NEGR1: variants seen among roughly 807,000 people sequenced by gnomAD.
The protein encoded by NEGR1 is IgLON family member 4.
NEGR1 carries 10 observed loss-of-function variants against 40.9 expected under a neutral mutation model. The observed-to-expected ratio is 0.24, with a 90% CI of 0.15 to 0.42. The LOEUF is 0.42. Ranked by LOEUF, NEGR1 falls within the 10% of genes least tolerant of loss-of-function variation. The pLI, the probability that NEGR1 is intolerant of heterozygous loss-of-function variation, is 1.00. For missense variants in NEGR1, 352 were observed against 438.9 expected (o/e 0.80, Z 1.77); for synonymous variants, 185 against 166.8 (o/e 1.11, Z -0.84).
chr1:71,534,698 G>A (rs979977362), intron 6 of NEGR1, among the ~76,000 whole-genome samples: 5 of 151,576 alleles, frequency 3.3e-5, no homozygotes, highest in Non-Finnish European at 7.4e-5. Flanking sequence ...CATTTGCAAG[G>A]ATAGCAATTA....
At chr1:72,087,557 T>C (rs145198783) in intron 1 of NEGR1, among the ~76,000 whole-genome samples, 4 of 151,798 alleles carry the variant, frequency 2.6e-5, no homozygotes, top group African/African-American at 7.3e-5. Flanking sequence ...ACTACAGTGA[T>C]AGAAACAACA....
At chr1:71,419,844 G>A (rs928282292) in intron 6 of NEGR1, among the ~76,000 whole-genome samples, 32 of 151,784 alleles carry the variant, frequency 2.1e-4, no homozygotes, top group Non-Finnish European at 7.4e-5. Context: ...GAAGGACTTT[G>A]GGGGCAGGCA....
intron 2 of NEGR1, among the ~76,000 whole-genome samples, chr1:71,847,338 T>A (rs1659453104): frequency 6.6e-6 from 1 of 152,206 alleles, no homozygotes; most frequent in Non-Finnish European, 1.5e-5. Context: ...TTCATTGCAC[T>A]TTACAGATAA....
chr1:71,894,165 A>G (rs1308018730), intron 2 of NEGR1, among the ~76,000 whole-genome samples: 3 of 142,248 alleles, frequency 2.1e-5, no homozygotes, highest in Non-Finnish European at 3.1e-5. Context: ...TGGCACATGT[A>G]TACATATGTA....
At chr1:71,758,804 C>T (rs1557641387) in intron 3 of NEGR1, among the ~76,000 whole-genome samples, 1 of 152,208 alleles carries the variant, frequency 6.6e-6, no homozygotes, top group East Asian at 1.9e-4. Context: ...GCTATTTTCT[C>T]TTTCTTACTC....
At chr1:72,065,678 GA>G (rs1647254904) in intron 1 of NEGR1, among the ~76,000 whole-genome samples, 1 of 151,998 alleles carries the variant, frequency 6.6e-6, no homozygotes, top group Non-Finnish European at 1.5e-5. Flanking sequence ...TGTACCTTTA[GA>G]AAAAAGTTAA....
chr1:71,748,071 A>G (rs1455343701), intron 3 of NEGR1, among the ~76,000 whole-genome samples: 1 of 152,184 alleles, frequency 6.6e-6, no homozygotes, highest in Non-Finnish European at 1.5e-5. Flanking sequence ...CAGTTGAACA[A>G]GTGTAACTTT....
intron 1 of NEGR1, among the ~76,000 whole-genome samples, chr1:72,087,439 A>AAAT (rs1553138420): frequency 6.7e-6 from 1 of 149,514 alleles, no homozygotes; most frequent in African/African-American, 2.5e-5. Flanking sequence ...TCAAAAAAAA[A>AAAT]ATATATATAT....
chr1:71,785,620 A>G (rs954021022), intron 2 of NEGR1, among the ~76,000 whole-genome samples: 1 of 152,182 alleles, frequency 6.6e-6, no homozygotes, highest in African/African-American at 2.4e-5. Context: ...AAATGTGCCA[A>G]CAAATACCCT....
At chr1:72,182,776 GTGTA>G (rs1341279489) in intron 1 of NEGR1, among the ~76,000 whole-genome samples, 1 of 64,668 alleles carries the variant, frequency 1.5e-5, no homozygotes, top group Non-Finnish European at 2.8e-5. Flanking sequence ...GTGTGTGCGT[GTGTA>G]TATATATATA....
At chr1:71,955,809 G>A (rs1436483837) in intron 1 of NEGR1, among the ~76,000 whole-genome samples, 1 of 152,046 alleles carries the variant, frequency 6.6e-6, no homozygotes, top group African/African-American at 2.4e-5. Context: ...TGCTTTTCTG[G>A]CCGATAGCAC....
At chr1:71,442,737 A>G (rs1460429842) in intron 6 of NEGR1, among the ~76,000 whole-genome samples, 1 of 152,218 alleles carries the variant, frequency 6.6e-6, no homozygotes, top group African/African-American at 2.4e-5. Flanking sequence ...CTGTTGAAAA[A>G]GCTTAAGACA....
intron 1 of NEGR1, among the ~76,000 whole-genome samples, chr1:71,990,509 T>G (rs982187009): frequency 6.6e-6 from 1 of 152,176 alleles, no homozygotes; most frequent in Admixed American, 6.5e-5. Context: ...TAACTTATGA[T>G]AGTCTGGAAA....
In NEGR1 at chr1:72,240,200, A is replaced by C. The variant is rs561718511; in HGVS notation, c.176+42119T>G. On this transcript the variant is annotated intron_variant, in intron 1 of 6. Transcript: ENST00000357731. Reference sequence around the variant, plus strand: ...CCAAAGAAATCAGCAGTTTACAGATAAACAACTTGGGTTAAGAAGGGATGA... The same window carrying C: ...CCAAAGAAATCAGCAGTTTACAGATCAACAACTTGGGTTAAGAAGGGATGA... Among the ~76,000 whole-genome samples the C allele has an allele frequency of 7.9e-5, 12 of 152,034 alleles. No homozygotes were observed. The South Asian group carries it at 2.1e-3, about 26-fold the overall frequency.
chr1:71,921,928 G>C (rs972532684), intron 2 of NEGR1, among the ~76,000 whole-genome samples: 3 of 151,800 alleles, frequency 2.0e-5, no homozygotes, highest in African/African-American at 7.3e-5. Context: ...TGTTGTTCAA[G>C]CGTCAACTGT....
chr1:71,543,195 C>A (rs1038361291), intron 6 of NEGR1, among the ~76,000 whole-genome samples: 1 of 151,588 alleles, frequency 6.6e-6, no homozygotes, highest in Non-Finnish European at 1.5e-5. Context: ...TACACAATTG[C>A]AAATATGTAT....
At chr1:71,825,641 T>G (rs999469032) in intron 2 of NEGR1, among the ~76,000 whole-genome samples, 1 of 151,906 alleles carries the variant, frequency 6.6e-6, no homozygotes, top group African/African-American at 2.4e-5. Context: ...AGGTGTGGAA[T>G]CTCTCTAAAT....
chr1:71,514,439 G>T (rs1647104171), intron 6 of NEGR1, among the ~76,000 whole-genome samples: 1 of 99,770 alleles, frequency 1.0e-5, no homozygotes, highest in Non-Finnish European at 2.0e-5. Context: ...CAGCCTAACT[G>T]GGAGGCACCC....
At chr1:72,070,915 G>GT (rs756528872) in intron 1 of NEGR1, among the ~76,000 whole-genome samples, 6 of 151,908 alleles carry the variant, frequency 3.9e-5, no homozygotes, top group South Asian at 4.1e-4. Flanking sequence ...CCTTTAGAAT[G>GT]TTTTTTTCAT....
Sources: allele counts gnomAD v4.1 joint callset (sites outside exome capture counted in the v4.1 genomes callset), GRCh38; gene constraint gnomAD v4.1.1; transcripts MANE v1.5; gene names NCBI Gene and HGNC (gene_info 2026-07-23, HGNC 2026-07-21).